Variants in UNC13A observed in about 807,000 individuals in gnomAD.
UNC13A encodes the protein unc-13 homolog A.
A neutral mutation model predicts 219.7 loss-of-function variants in UNC13A; 61 were observed. That is an observed-to-expected ratio of 0.28 (90% CI 0.23 to 0.34). The LOEUF (loss-of-function observed/expected upper bound fraction) is 0.34. Ranked by LOEUF, UNC13A falls within the 10% of genes least tolerant of loss-of-function variation. The probability of loss-of-function intolerance (pLI) is 1.00; values close to 1 mark genes in which losing one functional copy is unlikely to be tolerated. For synonymous variants in UNC13A, 920 were observed against 884.6 expected, an observed-to-expected ratio of 1.04 and a Z score of -0.71; for missense variants, 1,476 against 2,270.3, an observed-to-expected ratio of 0.65 and a Z score of 7.11.
chr19:17,666,737 C>T, intron 6 of UNC13A, 33 bp from the exon 7 acceptor site: 1 of 1,473,658 alleles, frequency 6.8e-7, no homozygotes, highest in Non-Finnish European at 9.0e-7. Context: ...AAGGGCTTCT[C>T]TCAGAGGGGC....
chr19:17,659,164 C>T (rs558359273), intron 8 of UNC13A, among the ~76,000 whole-genome samples: 13 of 151,990 alleles, frequency 8.6e-5, no homozygotes, highest in East Asian at 3.8e-4. Flanking sequence ...AAGCAAAGGC[C>T]GGGCACAGTG....
intron 41 of UNC13A, among the ~76,000 whole-genome samples, chr19:17,615,968 T>C (rs2076658167): frequency 7.1e-6 from 1 of 140,686 alleles, no homozygotes; most frequent in African/African-American, 2.5e-5. Flanking sequence ...GGAGACCTTG[T>C]CTCTAAATAA....
At chr19:17,626,150 T>TATCC (rs35036813) in intron 34 of UNC13A, 6,080 of 149,032 alleles carry the variant, frequency 0.041, 235 homozygotes, top group African/African-American at 0.099. Context: ...TCCAACCATT[T>TATCC]ATCCATCCAT....
chr19:17,655,212 G>C, intron 11 of UNC13A, 62 bp downstream of exon 11: 2 of 1,367,564 alleles, frequency 1.5e-6, no homozygotes, highest in Non-Finnish European at 2.0e-6. Context: ...AACATGTGTG[G>C]GCCTGCCATT....
intron 17 of UNC13A, among the ~76,000 whole-genome samples, chr19:17,646,957 C>T (rs181086156): frequency 6.6e-6 from 1 of 152,326 alleles, no homozygotes; most frequent in East Asian, 1.9e-4. Context: ...ATCCCTGTCT[C>T]AAGTCCTTGC....
At position 17,655,885 on chromosome 19, in the gene UNC13A, C is replaced by T; in HGVS notation, c.1281G>A (p.Glu427=). 8 of 1,518,582 alleles carry T rather than the reference C, an allele frequency of 5.3e-6. No individual in the cohort carries two copies. In the East Asian group the frequency reaches 1.8e-4, roughly 34 times the overall value. 94.1% of individuals were successfully genotyped at this position (1,518,582 alleles called of 1,614,324 possible). ...GCCCCTTGGCCCCGTCCTGTTACCT[C>T]TCCTCGTCCTTGGGTGGCTCAGCCT... The part of the protein sequence containing the change: ...IPEAEPPKDE[E]SFRPREDEEG... The change falls in exon 10 of 44, where the codon GAG becomes GAA. Residue 427 remains glutamate (E), a splice_region_variant and synonymous_variant. Transcript: ENST00000519716.
intron 42 of UNC13A, among the ~76,000 whole-genome samples, chr19:17,610,520 C>A (rs977549734): frequency 6.6e-6 from 1 of 152,084 alleles, no homozygotes; most frequent in Non-Finnish European, 1.5e-5. Flanking sequence ...AAAACCCTGT[C>A]TGAAATAAAG....
Position 17,658,135 on chromosome 19 carries a change from G to T in UNC13A, c.694C>A (p.Pro232Thr). 6.2e-7 allele frequency: 1 copy of T among 1,613,962 alleles called. No homozygotes were observed. The highest frequency in any genetic ancestry group is 1.3e-5 in the African/African-American group (1 of 75,028). Residue 232 changes from proline to threonine, a missense_variant, in exon 9 of 44, where the codon CCC becomes ACC. Physicochemically the swap from Pro to Thr is conservative, Grantham distance 38. This residue lies in a region of UNC13A where 351 missense variants were observed against 342.6 expected (regional missense o/e 1.02). Transcript: ENST00000519716. The stretch of plus-strand genomic sequence containing the variant: ...CTGTAGGACTCCCGGGAGCCCAGGG[G>T]TGGTGGGCGAACAGAATATTGGTGG... Reference protein sequence around the residue: ...SVHQYSVRPPPLGSRESYSDS... With the variant: ...SVHQYSVRPPTLGSRESYSDS...
chr19:17,672,246 G>A (rs1252192824), intron 4 of UNC13A, 132 bp downstream of exon 4: 19 of 735,378 alleles, frequency 2.6e-5, no homozygotes, highest in Non-Finnish European at 3.5e-5. Flanking sequence ...TGGAAGGTTC[G>A]TGGCAATCCC....
intron 41 of UNC13A, among the ~76,000 whole-genome samples, chr19:17,615,767 TCAC>T (rs1328195704): frequency 6.6e-6 from 1 of 151,894 alleles, no homozygotes; most frequent in Non-Finnish European, 1.5e-5. Flanking sequence ...TGATAAGTAT[TCAC>T]TGAGATCAGC....
At chr19:17,628,067 T>G in intron 31 of UNC13A, 127 bp from the exon 32 acceptor site, 1 of 829,230 alleles carries the variant, frequency 1.2e-6, no homozygotes, top group Non-Finnish European at 1.9e-6. Context: ...TCCCATGGGG[T>G]CACCTGCAAA....
chr19:17,671,901 T>C (rs1045110677), intron 4 of UNC13A, among the ~76,000 whole-genome samples: 33 of 152,228 alleles, frequency 2.2e-4, no homozygotes, highest in Non-Finnish European at 1.3e-4. Flanking sequence ...CTGCTGCCCA[T>C]CTGGGACACA....
At chr19:17,620,547 CCAGA>C (rs1008750255) in intron 38 of UNC13A, 142 bp downstream of exon 38, 5 of 799,300 alleles carry the variant, frequency 6.3e-6, no homozygotes, top group Non-Finnish European at 8.2e-6. Context: ...CACGAGCAAG[CCAGA>C]CAGACAAAGG....
In UNC13A at chr19:17,611,749, C is replaced by T; in HGVS notation, c.4651+14G>A. On this transcript the variant is annotated intron_variant, in intron 42 of 43. Transcript: ENST00000519716. ...TTAGAACCTAGCAAGTCCCTCCCACCTCAGACCACTCACCTTTCACTGTGA... is the reference window on the plus strand; with the variant it reads ...TTAGAACCTAGCAAGTCCCTCCCACTTCAGACCACTCACCTTTCACTGTGA... 3 of 1,613,248 alleles carry T rather than the reference C, an allele frequency of 1.9e-6. No individual in the cohort carries two copies. Among genetic ancestry groups the T allele is most frequent in the South Asian group, 1.1e-5 (1 of 91,010 alleles).
At position 17,679,951 on chromosome 19, in the gene UNC13A, G is replaced by A. The variant is rs548889792; in HGVS notation, c.23-3910C>T. ...TGGAGGGCTGTACCCTCTGATAGCT[G>A]AAGCCAGGCTCCTGCACTTAGCTCC... On this transcript the variant is annotated intron_variant, in intron 1 of 43. Transcript: ENST00000519716. Among the ~76,000 whole-genome samples the A allele has an allele frequency of 2.0e-5, 3 of 152,198 alleles. No homozygotes were observed. In the East Asian group the frequency reaches 5.8e-4, roughly 29 times the overall value.
rs758646536 is a variant in UNC13A, at chr19:17,647,248, G to T, written c.2044+17C>A. 7.1e-6 allele frequency: 11 copies of T among 1,551,498 alleles called. No individual in the cohort carries two copies. The East Asian group carries it at 2.4e-4, about 34-fold the overall frequency. On this transcript the variant is annotated intron_variant, in intron 17 of 43. Coordinates refer to ENST00000519716, the MANE Select transcript of UNC13A (RefSeq NM_001080421.3). ...GGTGGAGAAGGAGGGGCCCTATGGC[G>T]GCCCACGCCCCCTCACCGGTGATGC...
intron 42 of UNC13A, among the ~76,000 whole-genome samples, chr19:17,611,187 TTTTG>T (rs1179977367): frequency 2.0e-5 from 3 of 152,140 alleles, no homozygotes; most frequent in African/African-American, 4.8e-5. Flanking sequence ...ATTCTATCAT[TTTTG>T]TTTGTTTGTT....
chr19:17,648,779 C>A, intron 15 of UNC13A, 129 bp from the exon 16 acceptor site: 1 of 1,488,800 alleles, frequency 6.7e-7, no homozygotes, highest in African/African-American at 1.4e-5. Flanking sequence ...TGTCGGAATC[C>A]ACGCTGCCTT....
chr19:17,659,999 G>A (rs1295920941), intron 8 of UNC13A, among the ~76,000 whole-genome samples: 1 of 152,146 alleles, frequency 6.6e-6, no homozygotes, highest in African/African-American at 2.4e-5. Flanking sequence ...GGGCTCAAGA[G>A]ATCCTCGCAT....
Sources: gnomAD v4.1 joint callset for allele counts (sites outside exome capture counted in the v4.1 genomes callset) on GRCh38, gnomAD v4.1.1 for gene constraint, gnomAD v4.1.1 regional missense constraint, MANE v1.5 for transcripts, NCBI Gene and HGNC (gene_info 2026-07-23, HGNC 2026-07-21) for gene names.